The following KCNH7 variants were observed in gnomAD, a reference collection of about 807,000 sequenced individuals.
KCNH7 encodes the protein voltage-gated inwardly rectifying potassium channel KCNH7.
A neutral mutation model predicts 120.8 loss-of-function variants in KCNH7; 49 were observed. The ratio of observed to expected loss-of-function variants is 0.41; its 90% CI spans 0.32 to 0.51. The LOEUF (loss-of-function observed/expected upper bound fraction) is 0.51. Among genes scored for constraint, KCNH7 ranks in the 20% least tolerant of loss-of-function variants. The pLI is 0.38. For synonymous variants in KCNH7, 547 were observed against 516.1 expected, an observed-to-expected ratio of 1.06 and a Z score of -0.81; for missense variants, 1,097 against 1,446.6, an observed-to-expected ratio of 0.76 and a Z score of 3.92.
chr2:162,427,503 T>C (rs1237302704), intron 8 of KCNH7, among the ~76,000 whole-genome samples: 1 of 152,030 alleles, frequency 6.6e-6, no homozygotes, highest in African/African-American at 2.4e-5. Context: ...ATATATATTT[T>C]GTGAACTGTC....
At chr2:162,782,323 T>C (rs1683530446) in intron 2 of KCNH7, among the ~76,000 whole-genome samples, 1 of 151,920 alleles carries the variant, frequency 6.6e-6, no homozygotes, top group Non-Finnish European at 1.5e-5. Flanking sequence ...GAAGAGGAAG[T>C]AAGGGGCACA....
intron 2 of KCNH7, among the ~76,000 whole-genome samples, chr2:162,771,558 G>T (rs1683055698): frequency 6.6e-6 from 1 of 151,878 alleles, no homozygotes; most frequent in Non-Finnish European, 1.5e-5. Flanking sequence ...GCCTCTACTA[G>T]ATTTTTTGGT....
chr2:162,624,304 G>A (rs1028360275), intron 2 of KCNH7, among the ~76,000 whole-genome samples: 46 of 152,102 alleles, frequency 3.0e-4, no homozygotes, highest in Non-Finnish European at 5.7e-4. Context: ...AGAGGAAGGG[G>A]AAAAACAGTA....
intron 2 of KCNH7, among the ~76,000 whole-genome samples, chr2:162,578,183 G>C (rs553669492): frequency 1.3e-5 from 2 of 152,114 alleles, no homozygotes; most frequent in East Asian, 3.9e-4. Flanking sequence ...GAGAGACAGT[G>C]GGTCCTTCAA....
intron 2 of KCNH7, among the ~76,000 whole-genome samples, chr2:162,675,578 T>G (rs1685507661): frequency 6.6e-6 from 1 of 151,502 alleles, no homozygotes; most frequent in African/African-American, 2.4e-5. Context: ...CAATACAAGG[T>G]AAATCTTAGA....
chr2:162,375,834 C>T (rs1240979547), intron 14 of KCNH7, among the ~76,000 whole-genome samples: 1 of 149,710 alleles, frequency 6.7e-6, no homozygotes, highest in African/African-American at 2.5e-5. Flanking sequence ...AAGGCTTGAG[C>T]CTGGGAGATT....
rs1443226198 is a variant in KCNH7, at chr2:162,504,490, G to C, written c.1081C>G (p.Pro361Ala). The C allele has an allele frequency of 3.7e-6, 6 of 1,612,890 alleles. No individual in the cohort carries two copies. The highest frequency in any genetic ancestry group is 1.3e-5 in the African/African-American group (1 of 74,784). The stretch of plus-strand genomic sequence containing the variant: ...TTGTGTGTTCGATCTTTAACCTTGG[G>C]TGCAATAATGGTTTTATCTGAAGAA... ...PPSSDKTIIA[P>A]KVKDRTHNVT... Residue 361 changes from proline (P) to alanine (A), a missense_variant, in exon 6 of 16, where the codon CCC becomes GCC. Physicochemically the swap from Pro to Ala is conservative, Grantham distance 27 (BLOSUM62 -1). Around this residue, in one of 8 missense-constraint regions of KCNH7, gnomAD observed 362 missense variants for 372.2 expected, o/e 0.97. Transcript: ENST00000332142.
chr2:162,506,749 T>C (rs1161331701), intron 5 of KCNH7, among the ~76,000 whole-genome samples: 1 of 151,836 alleles, frequency 6.6e-6, no homozygotes, highest in East Asian at 1.9e-4. Flanking sequence ...AAGACACTGT[T>C]AATCTACTTT....
chr2:162,682,962 G>T (rs1685764577), intron 2 of KCNH7, among the ~76,000 whole-genome samples: 1 of 151,802 alleles, frequency 6.6e-6, no homozygotes, highest in African/African-American at 2.4e-5. Flanking sequence ...AATTTGGCTT[G>T]CTTAATATAG....
intron 2 of KCNH7, among the ~76,000 whole-genome samples, chr2:162,553,086 T>C (rs1692731982): frequency 6.6e-6 from 1 of 152,224 alleles, no homozygotes; most frequent in Non-Finnish European, 1.5e-5. Flanking sequence ...TTTTCTTATC[T>C]GACATTTTAC....
intron 2 of KCNH7, among the ~76,000 whole-genome samples, chr2:162,640,251 T>C (rs1192851416): frequency 6.6e-6 from 1 of 152,130 alleles, no homozygotes; most frequent in Non-Finnish European, 1.5e-5. Flanking sequence ...TTAGAGCAAT[T>C]TGAAAGAGAT....
intron 2 of KCNH7, among the ~76,000 whole-genome samples, chr2:162,597,302 G>A (rs1694409344): frequency 6.6e-6 from 1 of 151,952 alleles, no homozygotes; most frequent in African/African-American, 2.4e-5. Context: ...CTAAATGCTC[G>A]ATGATCAATT....
chr2:162,439,698 A>G (rs75628121), intron 7 of KCNH7, among the ~76,000 whole-genome samples: 89 of 152,172 alleles, frequency 5.8e-4, no homozygotes, highest in Non-Finnish European at 1.1e-3. Flanking sequence ...GCTGATTAAT[A>G]TCATTCAATT....
intron 3 of KCNH7, among the ~76,000 whole-genome samples, chr2:162,520,876 ACT>A (rs1342587127): frequency 2.6e-5 from 4 of 151,576 alleles, no homozygotes; most frequent in Admixed American, 2.0e-4. Flanking sequence ...GGAAGACAAA[ACT>A]CTCTCCATCC....
At chr2:162,645,934 G>A (rs971922503) in intron 2 of KCNH7, among the ~76,000 whole-genome samples, 3 of 152,148 alleles carry the variant, frequency 2.0e-5, no homozygotes, top group Non-Finnish European at 4.4e-5. Context: ...CCTTTTCCCT[G>A]TTGATAAGCC....
At chr2:162,594,385 G>A (rs1299597665) in intron 2 of KCNH7, among the ~76,000 whole-genome samples, 6 of 151,920 alleles carry the variant, frequency 3.9e-5, no homozygotes, top group East Asian at 1.9e-4. Flanking sequence ...TGAGGGCAAG[G>A]AAAAGAGATT....
intron 12 of KCNH7, among the ~76,000 whole-genome samples, chr2:162,387,484 C>CT (rs532104742): frequency 3.3e-5 from 5 of 150,534 alleles, no homozygotes; most frequent in Admixed American, 1.3e-4. Context: ...GTATCAGGTA[C>CT]TTTTTTTTTC....
At chr2:162,745,001 AAG>A (rs1688268026) in intron 2 of KCNH7, among the ~76,000 whole-genome samples, 1 of 152,216 alleles carries the variant, frequency 6.6e-6, no homozygotes, top group African/African-American at 2.4e-5. Flanking sequence ...AACACTTTGC[AAG>A]AGAAGTTGGA....
At chr2:162,475,038 C>T (rs1558965603) in intron 6 of KCNH7, among the ~76,000 whole-genome samples, 1 of 152,278 alleles carries the variant, frequency 6.6e-6, no homozygotes, top group East Asian at 1.9e-4. Context: ...CTTCAATTCT[C>T]GATCCATAAA....
Sources: gnomAD v4.1 joint callset for allele counts (sites outside exome capture counted in the v4.1 genomes callset) on GRCh38, gnomAD v4.1.1 for gene constraint, gnomAD v4.1.1 regional missense constraint, MANE v1.5 for transcripts, NCBI Gene and HGNC (gene_info 2026-07-23, HGNC 2026-07-21) for gene names.